The following ARHGAP18 variants were observed in gnomAD, a reference collection of about 807,000 sequenced individuals.
ARHGAP18 encodes rho GTPase-activating protein 18.
A neutral mutation model predicts 86.2 loss-of-function variants in ARHGAP18; 67 were observed. That is an observed-to-expected ratio of 0.78 (90% confidence interval 0.64 to 0.95). The LOEUF (loss-of-function observed/expected upper bound fraction) is 0.95. ARHGAP18 is among the 40% of genes least tolerant of loss of function. The probability of loss-of-function intolerance (pLI) is 0.00; values close to 1 mark genes in which losing one functional copy is unlikely to be tolerated. For synonymous variants in ARHGAP18, 283 were observed against 280.4 expected, an observed-to-expected ratio of 1.01 and a Z score of -0.09; for missense variants, 691 against 780.4, an observed-to-expected ratio of 0.89 and a Z score of 1.37.
intron 5 of ARHGAP18, among the ~76,000 whole-genome samples, chr6:129,625,429 ATATATAATATATATTT>A (rs1789380462): frequency 1.5e-5 from 1 of 66,458 alleles, no homozygotes; most frequent in Non-Finnish European, 2.4e-5. Flanking sequence ...AATATATATT[ATATATAATATATATTT>A]TATATTATAT....
At chr6:129,651,668 C>G (rs1773712311) in intron 1 of ARHGAP18, among the ~76,000 whole-genome samples, 1 of 152,146 alleles carries the variant, frequency 6.6e-6, no homozygotes, top group Non-Finnish European at 1.5e-5. Context: ...TCCTCAGGCC[C>G]TGCGGTGGTT....
intron 12 of ARHGAP18, among the ~76,000 whole-genome samples, chr6:129,586,982 A>C (rs1045538310): frequency 1.3e-5 from 2 of 152,156 alleles, no homozygotes; most frequent in South Asian, 4.1e-4. Flanking sequence ...ACTCTCCTTC[A>C]TAAGGGTCCT....
intron 13 of ARHGAP18, among the ~76,000 whole-genome samples, chr6:129,583,257 A>C (rs1198434740): frequency 6.6e-6 from 1 of 152,222 alleles, no homozygotes; most frequent in Non-Finnish European, 1.5e-5. Flanking sequence ...GAGGCATGAA[A>C]ACATGACTTC....
chr6:129,626,831 TCTA>T (rs2114484740), intron 5 of ARHGAP18, among the ~76,000 whole-genome samples: 1 of 152,198 alleles, frequency 6.6e-6, no homozygotes, highest in African/African-American at 2.4e-5. Flanking sequence ...TATGTGATAT[TCTA>T]AATATATCAT....
rs1774240539 is a variant in ARHGAP18 at position 129,676,903 on chromosome 6, A to T, written c.113+33121T>A. Among the ~76,000 whole-genome samples the T allele has an allele frequency of 1.5e-5, 2 of 135,332 alleles. 1 individual carries two copies. The allele number at this position is 135,332 out of a possible 152,430, so 88.8% of individuals were successfully genotyped here. ...TGGTTTATCTGAAAACAGATGAAAA[A>T]TTTTTTGTCCTCTTTTTTTTTTTTT... On this transcript the variant is annotated intron_variant, in intron 1 of 14. Transcript: ENST00000368149.
At chr6:129,669,258 G>A (rs1294288534) in intron 1 of ARHGAP18, among the ~76,000 whole-genome samples, 2 of 151,260 alleles carry the variant, frequency 1.3e-5, no homozygotes, top group Non-Finnish European at 2.9e-5. Context: ...TGCAAGCTCC[G>A]CCTCCCGGGT....
Position 129,599,251 on chromosome 6 carries a change from C to T in ARHGAP18, c.1678G>A (p.Glu560Lys). 1 of 1,584,692 alleles carries T rather than the reference C, an allele frequency of 6.3e-7. No individual in the cohort carries two copies. ...KLLKKMAYDR[E>K]KYEKQDKSTN... is the part of the protein sequence containing the mutation. Reference sequence around the variant, plus strand: ...CTCTTATCTTGCTTTTCATATTTTTCTCGGTCATAAGCCATTTTCTTCAGC... The same window carrying T: ...CTCTTATCTTGCTTTTCATATTTTTTTCGGTCATAAGCCATTTTCTTCAGC... Residue 560 changes from glutamate (E) to lysine (K), a missense_variant, in exon 12 of 15, where the codon GAA (glutamate) becomes AAA (lysine). Physicochemically the swap from Glu to Lys is moderately conservative, Grantham distance 56 (BLOSUM62 1). Transcript: ENST00000368149.
chr6:129,641,865 A>G lies in ARHGAP18; in HGVS notation c.267T>C (p.Ser89=), dbSNP rs1247466475. ...CCTCTTGATCTTCTTGGCTGTTTTC[A>G]CTAGATTTCTTGATGTTTTCTAGTT... The part of the protein sequence containing the change: ...WIELENIKKS[S]ENSQEDQEVV... Residue 89 remains serine, a synonymous_variant, in exon 2 of 15, where the codon AGT becomes AGC. Transcript: ENST00000368149. 1.2e-6 allele frequency: 2 copies of G among 1,613,880 alleles called. No homozygotes were observed. Among genetic ancestry groups the G allele is most frequent in the South Asian group, 2.2e-5 (2 of 91,076 alleles).
chr6:129,626,446 G>A (rs1403250014), intron 5 of ARHGAP18, among the ~76,000 whole-genome samples: 3 of 151,892 alleles, frequency 2.0e-5, no homozygotes, highest in East Asian at 1.9e-4. Context: ...TTTGTTTTTC[G>A]ACTTTACTAT....
At chr6:129,670,798 G>A (rs1189810307) in intron 1 of ARHGAP18, among the ~76,000 whole-genome samples, 1 of 150,524 alleles carries the variant, frequency 6.6e-6, no homozygotes, top group Non-Finnish European at 1.5e-5. Flanking sequence ...TCACCTGCTG[G>A]CATCAGCAGG....
chr6:129,615,384 G>A (rs747699842), intron 7 of ARHGAP18, among the ~76,000 whole-genome samples: 1 of 152,134 alleles, frequency 6.6e-6, no homozygotes, highest in Non-Finnish European at 1.5e-5. Flanking sequence ...GTAGATATGA[G>A]GGGAAAAAAG....
Position 129,578,602 on chromosome 6 carries a change from C to T in ARHGAP18, c.1903G>A (p.Glu635Lys). 6.2e-7 allele frequency: 1 copy of T among 1,607,960 alleles called. No individual in the cohort carries two copies. Among genetic ancestry groups the T allele is most frequent in the Non-Finnish European group, 8.5e-7 (1 of 1,176,284 alleles). ...TAAGTGTCATCATCAAGGCAGCGTT[C>T]CCCTGTTAAAATAGATGTTGTGTCA... ...FLYEIGGNIG[E>K]RCLDDDTYMK... is the part of the protein sequence containing the mutation. The change falls in exon 15 of 15, where the codon GAA (glutamate) becomes AAA (lysine). Residue 635 changes from glutamate to lysine, a missense_variant and splice_region_variant. Glu to Lys is a moderately conservative substitution (Grantham distance 56, BLOSUM62 1). Transcript: ENST00000368149.
At chr6:129,666,907 T>C (rs985016513) in intron 1 of ARHGAP18, among the ~76,000 whole-genome samples, 3 of 152,204 alleles carry the variant, frequency 2.0e-5, no homozygotes, top group Non-Finnish European at 4.4e-5. Flanking sequence ...TCTTTGTTGA[T>C]GCTTAATAGC....
At chr6:129,637,002 A>G (rs575052472) in intron 3 of ARHGAP18, among the ~76,000 whole-genome samples, 8 of 152,286 alleles carry the variant, frequency 5.3e-5, no homozygotes, top group African/African-American at 1.9e-4. Flanking sequence ...CAATCCACCA[A>G]CTGGCTTATT....
At chr6:129,677,812 T>C (rs1006193295) in intron 1 of ARHGAP18, among the ~76,000 whole-genome samples, 1 of 152,224 alleles carries the variant, frequency 6.6e-6, no homozygotes, top group Admixed American at 6.5e-5. Context: ...AGTCACTTCT[T>C]CCTATCATCA....
At chr6:129,681,068 G>GT (rs775567661) in intron 1 of ARHGAP18, among the ~76,000 whole-genome samples, 8 of 152,078 alleles carry the variant, frequency 5.3e-5, no homozygotes, top group South Asian at 4.2e-4. Context: ...TTAATCAGAA[G>GT]TTTTTTTTGC....
rs575672402 is a variant in ARHGAP18, at chr6:129,690,070, G to A, written c.113+19954C>T. Among the ~76,000 whole-genome samples, 8 of 152,096 alleles carry A rather than the reference G, an allele frequency of 5.3e-5. No individual in the cohort carries two copies. The East Asian group carries it at 5.8e-4, about 11-fold the overall frequency. ...TATAAGCACTTTGGCCAAACAGTCC[G>A]TTTATAATGTTTTATTCATTACAAA... On this transcript the variant is annotated intron_variant, in intron 1 of 14. Coordinates refer to ENST00000368149, the MANE Select transcript of ARHGAP18 (RefSeq NM_033515.3).
In ARHGAP18 at chr6:129,682,226, T is replaced by C. The variant is rs369477344; in HGVS notation, c.113+27798A>G. 3.9e-5 allele frequency among the ~76,000 whole-genome samples: 6 copies of C among 152,312 alleles called. No individual in the cohort carries two copies. In the South Asian group the frequency reaches 1.2e-3, roughly 32 times the overall value. ...TGGCTAAACCAAGGAAAGGACAATA[T>C]TGGTGTCTGTTAAGTATGAAGACAT... On this transcript the variant is annotated intron_variant, in intron 1 of 14. Transcript: ENST00000368149.
chr6:129,600,314 C>A (rs994156291), intron 11 of ARHGAP18, among the ~76,000 whole-genome samples: 6 of 152,018 alleles, frequency 3.9e-5, no homozygotes, highest in African/African-American at 1.4e-4. Flanking sequence ...AATAAGGGTA[C>A]AAAATGCATG....
Sources: gnomAD v4.1 joint callset for allele counts (sites outside exome capture counted in the v4.1 genomes callset) on GRCh38, gnomAD v4.1.1 for gene constraint, MANE v1.5 for transcripts, NCBI Gene and HGNC (gene_info 2026-07-23, HGNC 2026-07-21) for gene names.